Variants in CBLL1 observed in about 807,000 individuals in gnomAD.
CBLL1 encodes E3 ubiquitin-protein ligase Hakai.
In CBLL1, 4 loss-of-function variants were observed where a neutral mutation model predicts 44.9. That is an observed-to-expected ratio of 0.09 (90% confidence interval 0.04 to 0.20). The LOEUF (loss-of-function observed/expected upper bound fraction) is 0.20, where lower values mean the gene tolerates loss of function less well. Ranked by LOEUF, CBLL1 falls within the 10% of genes least tolerant of loss-of-function variation. The probability of loss-of-function intolerance (pLI) is 1.00; values close to 1 mark genes in which losing one functional copy is unlikely to be tolerated. For missense variants in CBLL1, 569 were observed against 636.7 expected (o/e 0.89, Z 1.14); for synonymous variants, 235 against 202.2 (o/e 1.16, Z -1.38).
At chr7:107,746,854 C>T (rs753572803) in intron 1 of CBLL1, among the ~76,000 whole-genome samples, 7 of 152,172 alleles carry the variant, frequency 4.6e-5, no homozygotes. Flanking sequence ...ACTTCTGTAA[C>T]TGTATCCCAG....
intron 1 of CBLL1, among the ~76,000 whole-genome samples, chr7:107,746,446 T>C (rs1471001541): frequency 6.6e-6 from 1 of 152,212 alleles, no homozygotes. Flanking sequence ...TGATGTTTAG[T>C]ATCAGAAGAC....
chr7:107,745,467 A>G (rs1026852472), intron 1 of CBLL1, among the ~76,000 whole-genome samples: 1 of 152,218 alleles, frequency 6.6e-6, no homozygotes, highest in Non-Finnish European at 1.5e-5. Flanking sequence ...GTGAGATTGG[A>G]AAGGAGGGCA....
Position 107,753,880 on chromosome 7 carries a change from A to T in CBLL1, c.283-15A>T. 6.7e-7 allele frequency: 1 copy of T among 1,503,552 alleles called. No individual in the cohort carries two copies. The highest frequency in any genetic ancestry group is 1.4e-5 in the African/African-American group (1 of 71,556). 93.1% of individuals were successfully genotyped at this position (1,503,552 alleles called of 1,614,324 possible). ...ATTGTGTAAGAAGGTAATTTTAATT[A>T]TATCATTTCAACAGATAAACATCTT... On this transcript the variant is annotated splice_polypyrimidine_tract_variant and intron_variant, in intron 3 of 5. Coordinates refer to ENST00000440859, the MANE Select transcript of CBLL1 (RefSeq NM_024814.4).
chr7:107,757,008 A>G (rs1190748027), intron 5 of CBLL1, among the ~76,000 whole-genome samples: 1 of 152,192 alleles, frequency 6.6e-6, no homozygotes, highest in African/African-American at 2.4e-5. Flanking sequence ...ACTAGAAGCA[A>G]AAAGTGTGCC....
chr7:107,748,851 G>C (rs781179281), intron 1 of CBLL1, 29 bp from the exon 2 acceptor site: 1 of 1,547,258 alleles, frequency 6.5e-7, no homozygotes, highest in South Asian at 1.3e-5. Context: ...AAAACTAAAA[G>C]AAATTACAAC....
rs1793758124 is a variant in CBLL1 at position 107,761,544 on chromosome 7, G to A, written c.*2366G>A. 1 of 152,106 alleles carries A rather than the reference G, an allele frequency of 6.6e-6. No homozygotes were observed. Among genetic ancestry groups the A allele is most frequent in the Non-Finnish European group, 1.5e-5 (1 of 67,846 alleles). 9.4% of individuals were successfully genotyped at this position (152,106 alleles called of 1,614,324 possible). A position where few individuals can be genotyped will look rare whatever the true frequency, so the allele number is the denominator to read the frequency against. ...TGAATCCCAGCCTTATTTCAGGGAA[G>A]CCTTTGAAGCTATGATGGACATAAG... On this transcript the variant is annotated 3_prime_UTR_variant, in exon 6 of 6. Coordinates refer to ENST00000440859, the MANE Select transcript of CBLL1 (RefSeq NM_024814.4).
chr7:107,755,697 C>A, intron 5 of CBLL1: 1 of 324,082 alleles, frequency 3.1e-6, no homozygotes, highest in Non-Finnish European at 5.7e-6. Context: ...TCAAATTGGT[C>A]AAAATGAAAT....
rs533242179 is a variant in CBLL1, at chr7:107,759,165, C to T, written c.1463C>T (p.Pro488Leu). Residue 488 changes from proline (P) to leucine (L), a missense_variant, in exon 6 of 6, where the codon CCG becomes CTG. Transcript: ENST00000440859. ...PHHPDQTRYRPYYQ is the reference protein window; with the variant it reads ...PHHPDQTRYRLYYQ ...CATCCAGATCAGACAAGATATAGAC[C>T]GTATTACCAATGATAATAGTATTTT... The T allele has an allele frequency of 7.5e-6, 12 of 1,599,370 alleles. No individual in the cohort carries two copies. Among genetic ancestry groups the T allele is most frequent in the African/African-American group, 4.0e-5 (3 of 74,350 alleles).
chr7:107,753,855 A>C (rs1473422913), intron 3 of CBLL1, 40 bp from the exon 4 acceptor site: 1 of 1,282,624 alleles, frequency 7.8e-7, no homozygotes, highest in East Asian at 2.5e-5. Flanking sequence ...AATCTTTAGA[A>C]TTGTGTAAGA....
intron 5 of CBLL1, among the ~76,000 whole-genome samples, chr7:107,755,808 A>G (rs1396529570): frequency 6.6e-6 from 1 of 152,184 alleles, no homozygotes; most frequent in African/African-American, 2.4e-5. Context: ...AGACTCCAGA[A>G]TTAGAATTCC....
At chr7:107,752,601 G>C (rs1268311448) in intron 2 of CBLL1, 1 of 1,287,504 alleles carries the variant, frequency 7.8e-7, no homozygotes, top group East Asian at 5.5e-5. Context: ...ATATTTGTCT[G>C]CTCAGCTTTA....
rs752632069 is a variant in CBLL1, at chr7:107,748,926, T to C, written c.60T>C (p.Leu20=). 7 of 1,614,004 alleles carry C rather than the reference T, an allele frequency of 4.3e-6. No individual in the cohort carries two copies. In the South Asian group the frequency reaches 7.7e-5, roughly 18 times the overall value. The stretch of plus-strand genomic sequence containing the variant: ...ATAGTTCTGGATCCTTGGGTGGTCT[T>C]GATGTTCGCAGACGAATTCCTATAA... ...GTNSSGSLGG[L]DVRRRIPIKL... Residue 20 remains leucine (L), a synonymous_variant, in exon 2 of 6, where the codon CTT becomes CTC. Transcript: ENST00000440859.
In CBLL1 at chr7:107,758,318, C is replaced by G; in HGVS notation, c.616C>G (p.His206Asp). The change falls in exon 6 of 6, where the codon CAT becomes GAT. Residue 206 changes from histidine to aspartate, a missense_variant. His to Asp is a moderately conservative substitution (Grantham distance 81, BLOSUM62 -1). This residue lies in a region of CBLL1 where 111 missense variants were observed against 113.0 expected (regional missense o/e 0.98). Coordinates refer to ENST00000440859, the MANE Select transcript of CBLL1 (RefSeq NM_024814.4). The surrounding 1 kb of genome is among the most constrained non-coding windows in gnomAD (Gnocchi z 4.2). Reference sequence around the variant, plus strand: ...TACCCGTGCTTCACTTGAAAATGTTCATCCTCCTATTGCCCCACCACCAAC... The same window carrying G: ...TACCCGTGCTTCACTTGAAAATGTTGATCCTCCTATTGCCCCACCACCAAC... ...PVTRASLENVHPPIAPPPTEI... is the reference protein window; with the variant it reads ...PVTRASLENVDPPIAPPPTEI... 1 of 1,614,102 alleles carries G rather than the reference C, an allele frequency of 6.2e-7. No individual in the cohort carries two copies.
chr7:107,755,679 C>T (rs1793499403), intron 5 of CBLL1, 188 bp downstream of exon 5: 1 of 344,582 alleles, frequency 2.9e-6, no homozygotes, highest in Admixed American at 4.8e-5. Flanking sequence ...TAGCCACTAT[C>T]AGTCAACTCA....
chr7:107,745,388 G>A (rs1792963391), intron 1 of CBLL1, among the ~76,000 whole-genome samples: 1 of 152,162 alleles, frequency 6.6e-6, no homozygotes, highest in Non-Finnish European at 1.5e-5. Flanking sequence ...AAGTGCGAAG[G>A]CACTGAGGTA....
intron 3 of CBLL1, among the ~76,000 whole-genome samples, 178 bp from the exon 4 acceptor site, chr7:107,753,717 A>C (rs1314928208): frequency 1.3e-5 from 2 of 152,168 alleles, no homozygotes; most frequent in Non-Finnish European, 2.9e-5. Flanking sequence ...AACTGTTAAC[A>C]CTAAGAAGAA....
At chr7:107,744,203 C>G in intron 1 of CBLL1, 27 bp downstream of exon 1, 1 of 1,542,484 alleles carries the variant, frequency 6.5e-7, no homozygotes, top group African/African-American at 1.4e-5. Flanking sequence ...AGTGGGGGTC[C>G]CGGTTCCAAG....
intron 4 of CBLL1, 67 bp downstream of exon 4, chr7:107,754,045 A>G: frequency 1.0e-6 from 1 of 993,826 alleles, no homozygotes; most frequent in South Asian, 1.7e-5. Flanking sequence ...TGAAATTTAG[A>G]TAGGTTTATC....
At position 107,758,292 on chromosome 7, in the gene CBLL1, T is replaced by C; in HGVS notation, c.590T>C (p.Val197Ala). The C allele has an allele frequency of 6.2e-7, 1 of 1,614,110 alleles. No homozygotes were observed. Among genetic ancestry groups the C allele is most frequent in the African/African-American group, 1.3e-5 (1 of 75,028 alleles). ...CGCCATATGAGAGCTGGAAAACCTG[T>C]TACCCGTGCTTCACTTGAAAATGTT... ...NHRHMRAGKP[V>A]TRASLENVHP... Residue 197 changes from valine to alanine, a missense_variant, in exon 6 of 6, where the codon GTT (valine) becomes GCT (alanine). By Grantham distance (64) the Val-to-Ala change is moderately conservative. Coordinates refer to ENST00000440859, the MANE Select transcript of CBLL1 (RefSeq NM_024814.4). This position sits in a 1 kb window ranked among gnomAD's most constrained non-coding sequence, Gnocchi z 4.2.
Sources: gnomAD v4.1 joint callset for allele counts (sites outside exome capture counted in the v4.1 genomes callset) on GRCh38, gnomAD v4.1.1 for gene constraint, gnomAD v4.1.1 regional missense constraint, Gnocchi (gnomAD v3.1) non-coding constraint, MANE v1.5 for transcripts, NCBI Gene and HGNC (gene_info 2026-07-23, HGNC 2026-07-21) for gene names.